Variants in SDK1 observed in about 807,000 individuals in gnomAD.
SDK1 encodes the protein sidekick cell adhesion molecule 1.
Under a neutral mutation model 245.5 loss-of-function variants are expected in SDK1, and 157 were observed. The observed-to-expected ratio is 0.64, with a 90% CI of 0.56 to 0.73. SDK1 has a LOEUF of 0.73. Ranked by LOEUF, SDK1 falls within the 30% of genes least tolerant of loss-of-function variation. SDK1 has a pLI of 0.00. For missense variants in SDK1, 3,583 were observed against 3,002.3 expected, an observed-to-expected ratio of 1.19 and a Z score of -4.52; for synonymous variants, 1,647 against 1,278.5, an observed-to-expected ratio of 1.29 and a Z score of -6.15.
intron 1 of SDK1, among the ~76,000 whole-genome samples, chr7:3,426,001 A>G (rs535529616): frequency 1.4e-4 from 21 of 152,356 alleles, no homozygotes; most frequent in African/African-American, 5.0e-4. Context: ...GGCAACTTAT[A>G]CATGGAAGGA....
chr7:3,493,069 G>T (rs906183454), intron 1 of SDK1, among the ~76,000 whole-genome samples: 1 of 152,114 alleles, frequency 6.6e-6, no homozygotes, highest in African/African-American at 2.4e-5. Context: ...TCCTGCCTCA[G>T]CCTCCCCAGT....
chr7:3,613,833 G>A lies in SDK1; in HGVS notation c.299-5247G>A, dbSNP rs865970744. ...AGATCATGTCCTTTGCAGGGAGATG[G>A]ATGGAGCTGGAGGCCATCATTAGCA... On this transcript the variant is annotated intron_variant, in intron 1 of 44. Coordinates refer to ENST00000404826, the MANE Select transcript of SDK1 (RefSeq NM_152744.4). Among the ~76,000 whole-genome samples the A allele has an allele frequency of 2.0e-5, 3 of 152,278 alleles. No individual in the cohort carries two copies. The Middle Eastern group carries it at 0.01, about 518-fold the overall frequency.
intron 1 of SDK1, among the ~76,000 whole-genome samples, chr7:3,521,213 A>G (rs1782925826): frequency 6.6e-6 from 1 of 152,192 alleles, no homozygotes; most frequent in East Asian, 1.9e-4. Flanking sequence ...CTTGAGAGCC[A>G]TTCAAGGGAA....
At chr7:3,877,140 A>G (rs567873953) in intron 5 of SDK1, among the ~76,000 whole-genome samples, 3 of 152,258 alleles carry the variant, frequency 2.0e-5, no homozygotes, top group South Asian at 2.1e-4. Context: ...ACAGACCCCA[A>G]TCCATTGGAA....
In SDK1 at chr7:4,204,261, G is replaced by A. The variant is rs181640683; in HGVS notation, c.5099-1618G>A. 4.3e-4 allele frequency among the ~76,000 whole-genome samples: 66 copies of A among 152,356 alleles called. 1 individual carries two copies. The highest frequency in any genetic ancestry group is 3.9e-3 in the Admixed American group (59 of 15,308). On this transcript the variant is annotated intron_variant, in intron 35 of 44. Coordinates refer to ENST00000404826, the MANE Select transcript of SDK1 (RefSeq NM_152744.4). The stretch of plus-strand genomic sequence containing the variant: ...ATTTATGTTTTGGATTATTAATGTG[G>A]CTGTTAAAATTCCTCCAGTTAGTTT...
chr7:3,592,763 C>T (rs1041269598), intron 1 of SDK1, among the ~76,000 whole-genome samples: 4 of 152,166 alleles, frequency 2.6e-5, no homozygotes, highest in African/African-American at 9.7e-5. Context: ...TTTGCTCTAT[C>T]GTAGCTCCAG....
At chr7:3,879,912 A>G (rs1781165451) in intron 5 of SDK1, among the ~76,000 whole-genome samples, 1 of 152,074 alleles carries the variant, frequency 6.6e-6, no homozygotes, top group African/African-American at 2.4e-5. Context: ...CAGGCGGCGT[A>G]TGCTACATGA....
chr7:4,098,592 A>G (rs1455774219), intron 22 of SDK1, among the ~76,000 whole-genome samples: 1 of 152,108 alleles, frequency 6.6e-6, no homozygotes, highest in African/African-American at 2.4e-5. Context: ...AAAACCTTTT[A>G]GTTTCTCCCT....
chr7:3,317,780 A>G (rs1486913477), intron 1 of SDK1, among the ~76,000 whole-genome samples: 2 of 152,240 alleles, frequency 1.3e-5, no homozygotes, highest in Non-Finnish European at 2.9e-5. Flanking sequence ...CTTGATTAAA[A>G]TAAGTATTTT....
rs144206510 is a variant in SDK1, at chr7:3,544,195, C to G, written c.299-74885C>G. Among the ~76,000 whole-genome samples the G allele has an allele frequency of 9.6e-4, 146 of 152,308 alleles. 1 individual carries two copies. Among genetic ancestry groups the G allele is most frequent in the African/African-American group, 3.2e-3 (135 of 41,562 alleles). On this transcript the variant is annotated intron_variant, in intron 1 of 44. Transcript: ENST00000404826. ...TGCATATGAATTTTCTAGTAGAGTT[C>G]TGTAAGAATTCTTCACCTCCCAAAG...
chr7:3,570,214 C>G (rs1583177773), intron 1 of SDK1, among the ~76,000 whole-genome samples: 1 of 152,166 alleles, frequency 6.6e-6, no homozygotes, highest in African/African-American at 2.4e-5. Context: ...AGTTTTTCCA[C>G]AGCCCAGTGG....
intron 4 of SDK1, among the ~76,000 whole-genome samples, chr7:3,646,271 C>T (rs140556921): frequency 6.6e-6 from 1 of 152,088 alleles, no homozygotes; most frequent in Non-Finnish European, 1.5e-5. Flanking sequence ...TAAACATTAC[C>T]TCATTATCTG....
chr7:3,465,282 T>G (rs994725410), intron 1 of SDK1, among the ~76,000 whole-genome samples: 12 of 152,172 alleles, frequency 7.9e-5, no homozygotes, highest in African/African-American at 2.9e-4. Context: ...TGGTATCGTC[T>G]AGAGGTCATC....
chr7:4,180,977 T>C (rs1782572283), intron 35 of SDK1, among the ~76,000 whole-genome samples: 1 of 152,128 alleles, frequency 6.6e-6, no homozygotes, highest in Non-Finnish European at 1.5e-5. Context: ...GCGTATAACA[T>C]GGAAAGCATT....
intron 22 of SDK1, among the ~76,000 whole-genome samples, chr7:4,106,223 C>T (rs534661929): frequency 2.0e-5 from 3 of 152,298 alleles, no homozygotes; most frequent in African/African-American, 7.2e-5. Context: ...AGCAATGGCT[C>T]CCTCCTCAGG....
intron 4 of SDK1, among the ~76,000 whole-genome samples, chr7:3,674,386 G>C (rs1473371835): frequency 6.6e-6 from 1 of 152,090 alleles, no homozygotes; most frequent in African/African-American, 2.4e-5. Context: ...GGGCTGCTAG[G>C]GCATGAGTGT....
At position 4,110,647 on chromosome 7, in the gene SDK1, G is replaced by A. The variant is rs140543522; in HGVS notation, c.3325-16G>A. ...TAAGGCATGTCCAGCCCATCTCAGTGTCTCCCTCTGCACAGGTGGGAGCTA... is the reference window on the plus strand; with the variant it reads ...TAAGGCATGTCCAGCCCATCTCAGTATCTCCCTCTGCACAGGTGGGAGCTA... On this transcript the variant is annotated splice_polypyrimidine_tract_variant and intron_variant, in intron 22 of 44. Transcript: ENST00000404826. 2.5e-6 allele frequency: 4 copies of A among 1,571,026 alleles called. No individual in the cohort carries two copies. Among genetic ancestry groups the A allele is most frequent in the Middle Eastern group, 3.8e-4 (2 of 5,322 alleles).
chr7:4,041,353 T>C (rs1788623914), intron 17 of SDK1, among the ~76,000 whole-genome samples: 1 of 151,648 alleles, frequency 6.6e-6, no homozygotes, highest in Non-Finnish European at 1.5e-5. Context: ...AAAAGAGTTT[T>C]GATATACTCT....
At chr7:4,025,406 TG>T (rs1463723237) in intron 17 of SDK1, among the ~76,000 whole-genome samples, 1 of 152,168 alleles carries the variant, frequency 6.6e-6, no homozygotes, top group Non-Finnish European at 1.5e-5. Flanking sequence ...AGCGGAGGAC[TG>T]GGGTGGAGCA....
Sources: allele counts gnomAD v4.1 joint callset (sites outside exome capture counted in the v4.1 genomes callset), GRCh38; gene constraint gnomAD v4.1.1; transcripts MANE v1.5; gene names NCBI Gene and HGNC (gene_info 2026-07-23, HGNC 2026-07-21).